RBFOX1: variants seen among roughly 807,000 people sequenced by gnomAD.
The protein encoded by RBFOX1 is RNA binding protein fox-1 homolog 1.
Under a neutral mutation model 57.7 loss-of-function variants are expected in RBFOX1, and 8 were observed. The observed-to-expected ratio is 0.14, with a 90% CI of 0.08 to 0.25. The LOEUF (loss-of-function observed/expected upper bound fraction) is 0.25, where lower values mean the gene tolerates loss of function less well. Ranked by LOEUF, RBFOX1 falls within the 10% of genes least tolerant of loss-of-function variation. The pLI is 1.00. For synonymous variants in RBFOX1, 326 were observed against 222.4 expected (o/e 1.47, Z -4.15); for missense variants, 611 against 548.5 (o/e 1.11, Z -1.14).
At chr16:7,405,813 C>G (rs572271277) in intron 4 of RBFOX1, among the ~76,000 whole-genome samples, 13 of 152,250 alleles carry the variant, frequency 8.5e-5, no homozygotes, top group Admixed American at 1.3e-4. Flanking sequence ...ACACCTGTTT[C>G]CTTTCCACTC....
intron 3 of RBFOX1, among the ~76,000 whole-genome samples, chr16:6,896,618 T>C (rs938897698): frequency 6.6e-6 from 1 of 152,216 alleles, no homozygotes; most frequent in Non-Finnish European, 1.5e-5. Context: ...TGCTATGTAA[T>C]CTGCGGACGG....
At chr16:7,024,651 C>G (rs1248839798) in intron 3 of RBFOX1, among the ~76,000 whole-genome samples, 1 of 152,174 alleles carries the variant, frequency 6.6e-6, no homozygotes, top group Non-Finnish European at 1.5e-5. Flanking sequence ...TTAGGGAGAT[C>G]TCCTGTTCTT....
At chr16:6,555,920 G>A (rs187185504) in intron 2 of RBFOX1, among the ~76,000 whole-genome samples, 19 of 152,266 alleles carry the variant, frequency 1.2e-4, no homozygotes, top group African/African-American at 3.1e-4. Flanking sequence ...GGGGATCATA[G>A]GCATTCGGAA....
intron 4 of RBFOX1, among the ~76,000 whole-genome samples, chr16:7,421,707 C>T (rs769603533): frequency 6.6e-6 from 1 of 152,238 alleles, no homozygotes; most frequent in East Asian, 1.9e-4. Context: ...TGCCAAAGGG[C>T]AGTCATAGAA....
In RBFOX1 at chr16:6,765,687, A is replaced by G. The variant is rs139349610; in HGVS notation, c.-16+111037A>G. Reference sequence around the variant, plus strand: ...CCAGAGGAAAGATGCCTGCTTGCATATATTTATCATAACACAATTCACAAT... The same window carrying G: ...CCAGAGGAAAGATGCCTGCTTGCATGTATTTATCATAACACAATTCACAAT... On this transcript the variant is annotated intron_variant, in intron 3 of 15. Transcript: ENST00000550418. Among the ~76,000 whole-genome samples the G allele has an allele frequency of 4.2e-3, 632 of 152,252 alleles. 4 individuals are homozygous for G. The highest frequency in any genetic ancestry group is 0.014 in the African/African-American group (587 of 41,558).
intron 1 of RBFOX1, among the ~76,000 whole-genome samples, chr16:6,195,459 T>C (rs371722744): frequency 3.9e-5 from 6 of 152,338 alleles, no homozygotes; most frequent in African/African-American, 1.4e-4. Flanking sequence ...GGCTCATGCC[T>C]GTAATTCCAG....
intron 2 of RBFOX1, among the ~76,000 whole-genome samples, chr16:5,539,225 T>G (rs2044830658): frequency 6.6e-6 from 1 of 152,168 alleles, no homozygotes. Flanking sequence ...AAAGTGCATG[T>G]GAGGCTGGGG....
intron 7 of RBFOX1, among the ~76,000 whole-genome samples, chr16:7,591,865 C>T (rs188609968): frequency 4.4e-4 from 67 of 152,230 alleles, no homozygotes; most frequent in Admixed American, 2.1e-3. Flanking sequence ...GTTAGAATTC[C>T]GACCATGAGG....
At chr16:6,352,763 C>T (rs774527668) in intron 2 of RBFOX1, among the ~76,000 whole-genome samples, 1 of 152,200 alleles carries the variant, frequency 6.6e-6, no homozygotes, top group Non-Finnish European at 1.5e-5. Flanking sequence ...ACTCACGAAG[C>T]TGCAAGTTAC....
Position 7,215,022 on chromosome 16 carries a change from C to A in RBFOX1, c.27+162924C>A, listed in dbSNP as rs140681655. Among the ~76,000 whole-genome samples, 322 of 152,280 alleles carry A rather than the reference C, an allele frequency of 2.1e-3. 1 individual carries two copies. The highest frequency in any genetic ancestry group is 7.1e-3 in the African/African-American group (296 of 41,544). ...TCATCTAGGTTTTAAGCCCCACATG[C>A]ATTAGCTATTTGTCCTAATGCTCTC... On this transcript the variant is annotated intron_variant, in intron 4 of 15. Coordinates refer to ENST00000550418, the MANE Select transcript of RBFOX1 (RefSeq NM_018723.4).
intron 1 of RBFOX1, among the ~76,000 whole-genome samples, chr16:5,388,786 A>C (rs1054664926): frequency 6.6e-6 from 1 of 151,926 alleles, no homozygotes; most frequent in Non-Finnish European, 1.5e-5. Flanking sequence ...CATATTGGTC[A>C]GGCTGGTCTC....
At chr16:6,795,611 C>T (rs1326181390) in intron 3 of RBFOX1, among the ~76,000 whole-genome samples, 2 of 151,812 alleles carry the variant, frequency 1.3e-5, no homozygotes, top group Non-Finnish European at 2.9e-5. Flanking sequence ...ACTAAAAATA[C>T]AAAAATTAGC....
chr16:5,621,490 G>T (rs2048200095), intron 3 of RBFOX1, among the ~76,000 whole-genome samples: 2 of 152,134 alleles, frequency 1.3e-5, no homozygotes, highest in Non-Finnish European at 2.9e-5. Context: ...ATTGATGATG[G>T]TTGACCTATC....
At chr16:6,967,093 A>G (rs1481582876) in intron 3 of RBFOX1, among the ~76,000 whole-genome samples, 3 of 152,074 alleles carry the variant, frequency 2.0e-5, no homozygotes, top group African/African-American at 4.8e-5. Flanking sequence ...CCATCATTCT[A>G]TTTGTCTATA....
chr16:7,526,364 AG>A (rs755082211), intron 5 of RBFOX1, among the ~76,000 whole-genome samples: 1 of 152,186 alleles, frequency 6.6e-6, no homozygotes, highest in Non-Finnish European at 1.5e-5. Flanking sequence ...CAAACAGGTC[AG>A]TTAAGGCCTG....
intron 4 of RBFOX1, among the ~76,000 whole-genome samples, chr16:7,483,747 T>A (rs2064630094): frequency 6.6e-6 from 1 of 152,244 alleles, no homozygotes; most frequent in Non-Finnish European, 1.5e-5. Flanking sequence ...TGGGGCTGTA[T>A]GGCTTTGCAT....
In RBFOX1 at chr16:7,670,626, A is replaced by C. The variant is rs536779145; in HGVS notation, c.930+5658A>C. On this transcript the variant is annotated intron_variant, in intron 13 of 15. Transcript: ENST00000550418. Reference sequence around the variant, plus strand: ...AGCGAAAGGAGGAGAGAGAGGAACAAGAATGTTATCAGGCATCGCTCCGTA... The same window carrying C: ...AGCGAAAGGAGGAGAGAGAGGAACACGAATGTTATCAGGCATCGCTCCGTA... 2.6e-5 allele frequency among the ~76,000 whole-genome samples: 4 copies of C among 152,342 alleles called. No homozygotes were observed. In the South Asian group the frequency reaches 8.3e-4, roughly 32 times the overall value.
rs376012808 is a variant in RBFOX1, at chr16:5,388,829, A to G, written c.220-78387A>G. 1.4e-4 allele frequency among the ~76,000 whole-genome samples: 22 copies of G among 151,752 alleles called. No individual in the cohort carries two copies. In the South Asian group the frequency reaches 3.6e-3, roughly 25 times the overall value. ...TGACCTCAGATGATCCACCCACCTC[A>G]GCCTCCCAAAGTGCTGGGATTACAG... is the stretch of plus-strand genomic sequence containing the variant. On this transcript the variant is annotated intron_variant, in intron 1 of 2. Transcript: ENST00000585867.
chr16:6,213,697 C>G (rs946550024), intron 1 of RBFOX1, among the ~76,000 whole-genome samples: 1 of 152,196 alleles, frequency 6.6e-6, no homozygotes, highest in African/African-American at 2.4e-5. Flanking sequence ...TTAAATCATT[C>G]TGTGCTTAAG....
Sources: allele counts gnomAD v4.1 joint callset (sites outside exome capture counted in the v4.1 genomes callset), GRCh38; gene constraint gnomAD v4.1.1; transcripts MANE v1.5; gene names NCBI Gene and HGNC (gene_info 2026-07-23, HGNC 2026-07-21).